CAPG: variants seen among roughly 807,000 people sequenced by gnomAD.
CAPG encodes capping actin protein, gelsolin like.
CAPG carries 32 observed loss-of-function variants against 44.6 expected under a neutral mutation model. The ratio of observed to expected loss-of-function variants is 0.72; its 90% CI spans 0.54 to 0.96. The LOEUF is 0.96. CAPG is among the 50% of genes least tolerant of loss of function. CAPG has a pLI of 0.00. For missense variants in CAPG, 412 were observed against 438.3 expected (o/e 0.94, Z 0.54); for synonymous variants, 175 against 179.6 (o/e 0.97, Z 0.20).
Position 85,398,912 on chromosome 2 carries a change from G to C in CAPG, c.667-130C>G. ...CACTAGGGCACCCAGCAGAGGTGAGGTGAGTGAGGGCTGAGTCCAGCCCAC... is the reference window on the plus strand; with the variant it reads ...CACTAGGGCACCCAGCAGAGGTGAGCTGAGTGAGGGCTGAGTCCAGCCCAC... On this transcript the variant is annotated intron_variant, in intron 6 of 9. Coordinates refer to ENST00000263867, the MANE Select transcript of CAPG (RefSeq NM_001747.4). 4 of 829,720 alleles carry C rather than the reference G, an allele frequency of 4.8e-6. No individual in the cohort carries two copies. The East Asian group carries it at 1.1e-4, about 22-fold the overall frequency. 51.4% of individuals were successfully genotyped at this position (829,720 alleles called of 1,614,324 possible). A position where few individuals can be genotyped will look rare whatever the true frequency, so the allele number is the denominator to read the frequency against.
chr2:85,401,383 G>C (rs1686878784), intron 4 of CAPG, 54 bp from the exon 5 acceptor site: 1 of 1,589,990 alleles, frequency 6.3e-7, no homozygotes, highest in Admixed American at 1.7e-5. Flanking sequence ...AGAGCCCTCT[G>C]CACCCCATCC....
Position 85,401,156 on chromosome 2 carries a change from C to T in CAPG, c.516+9G>A. On this transcript the variant is annotated intron_variant, in intron 5 of 9. Coordinates refer to ENST00000263867, the MANE Select transcript of CAPG (RefSeq NM_001747.4). ...AATACGGAGTGCTCAGTCTGGCCAG[C>T]CTACCCACCTGGCCCAGGTCCAGGA... The T allele has an allele frequency of 6.2e-7, 1 of 1,612,836 alleles. No homozygotes were observed. The highest frequency in any genetic ancestry group is 1.1e-5 in the South Asian group (1 of 91,006).
chr2:85,417,836 G>T (rs1180375927), intron 1 of CAPG, among the ~76,000 whole-genome samples: 1 of 152,034 alleles, frequency 6.6e-6, no homozygotes, highest in East Asian at 1.9e-4. Context: ...TTCCTCCAGT[G>T]CTTTGAGGTC....
upstream of CAPG, chr2:85,413,083 T>C (rs1687465776): frequency 6.6e-6 from 1 of 152,244 alleles, no homozygotes; most frequent in African/African-American, 2.4e-5. Flanking sequence ...CACTCTCCTA[T>C]TTCCATCCCC....
upstream of CAPG, among the ~76,000 whole-genome samples, chr2:85,414,601 T>C (rs2104863862): frequency 7.5e-6 from 1 of 132,598 alleles, no homozygotes; most frequent in East Asian, 2.0e-4. Context: ...AGCTAAACTT[T>C]TTTTTTTTTT....
intron 8 of CAPG, among the ~76,000 whole-genome samples, chr2:85,397,714 A>T (rs1010114934): frequency 2.0e-5 from 3 of 150,066 alleles, no homozygotes; most frequent in African/African-American, 4.9e-5. Context: ...AAAAGAAAGA[A>T]AGAAAGAAAG....
chr2:85,399,993 G>A (rs906662306), intron 5 of CAPG, among the ~76,000 whole-genome samples: 2 of 151,988 alleles, frequency 1.3e-5, no homozygotes, highest in African/African-American at 2.4e-5. Flanking sequence ...TGCCCACCTC[G>A]GCCTCCCAAA....
intron 1 of CAPG, among the ~76,000 whole-genome samples, chr2:85,417,440 T>C (rs910685438): frequency 6.6e-6 from 1 of 151,662 alleles, no homozygotes; most frequent in Non-Finnish European, 1.5e-5. Flanking sequence ...CTAGTGCCAG[T>C]TGTGAGTCCT....
chr2:85,418,953 A>T (rs1157167195), upstream of CAPG: 1 of 152,180 alleles, frequency 6.6e-6, no homozygotes, highest in Non-Finnish European at 1.5e-5. Context: ...GGAGATGAAG[A>T]TGGTGGGTGG....
At chr2:85,414,625 T>A (rs368511103), upstream of CAPG, among the ~76,000 whole-genome samples, 2 of 151,214 alleles carry the variant, frequency 1.3e-5, no homozygotes, top group South Asian at 2.1e-4. Context: ...AGAGACTGTG[T>A]CTCACTCTAT....
chr2:85,405,631 T>A (rs1169752332), intron 1 of CAPG, among the ~76,000 whole-genome samples: 1 of 152,170 alleles, frequency 6.6e-6, no homozygotes, highest in Non-Finnish European at 1.5e-5. Flanking sequence ...TCAAGGGCAG[T>A]GATAATGGAT....
chr2:85,411,745 G>A (rs532971226), upstream of CAPG, among the ~76,000 whole-genome samples: 3 of 152,278 alleles, frequency 2.0e-5, no homozygotes, highest in African/African-American at 4.8e-5. Flanking sequence ...ATTTGACTGC[G>A]TGGGAAAAGT....
Position 85,395,711 on chromosome 2 carries a change from TC to T in CAPG, c.893-86del. 1 of 954,250 alleles carries T rather than the reference TC, an allele frequency of 1.0e-6. No individual in the cohort carries two copies. Among genetic ancestry groups the T allele is most frequent in the Non-Finnish European group, 1.6e-6 (1 of 616,176 alleles). The allele number at this position is 954,250 out of a possible 1,614,324, so 59.1% of individuals were successfully genotyped here. ...TTTTTCTTGAGGAAATTTAAGGGAG[TC>T]CACAGAAGAGCCAGCAATTTTTACA... On this transcript the variant is annotated intron_variant, in intron 8 of 9. Coordinates refer to ENST00000263867, the MANE Select transcript of CAPG (RefSeq NM_001747.4). The surrounding 1 kb of genome is among the most constrained non-coding windows in gnomAD (Gnocchi z 4.3).
At chr2:85,396,852 T>C (rs1686624693) in intron 8 of CAPG, among the ~76,000 whole-genome samples, 2 of 152,202 alleles carry the variant, frequency 1.3e-5, no homozygotes, top group African/African-American at 2.4e-5. Flanking sequence ...AGCAGCTATC[T>C]GTAGATACCC....
rs1463367031 is a variant in CAPG, at chr2:85,398,140, T to C, written c.772A>G (p.Thr258Ala). 1 of 1,613,698 alleles carries C rather than the reference T, an allele frequency of 6.2e-7. No individual in the cohort carries two copies. Among genetic ancestry groups the C allele is most frequent in the Non-Finnish European group, 8.5e-7 (1 of 1,179,938 alleles). The change falls in exon 8 of 10, where the codon ACT becomes GCT. Residue 258 changes from threonine to alanine, a missense_variant. Physicochemically the swap from Thr to Ala is moderately conservative, Grantham distance 58. Coordinates refer to ENST00000263867, the MANE Select transcript of CAPG (RefSeq NM_001747.4). ...ACCTTGGTCAGGTTCATCTGTCCAG[T>C]GGCATCAGAGACCTGGGGAGGAGGG... is the stretch of plus-strand genomic sequence containing the variant. ...AAALYKVSDA[T>A]GQMNLTKVAD...
At chr2:85,402,088 G>T (rs759983616) in intron 2 of CAPG, 35 bp downstream of exon 2, 1 of 1,611,262 alleles carries the variant, frequency 6.2e-7, no homozygotes, top group Admixed American at 1.7e-5. Flanking sequence ...GTAAAGAAGG[G>T]GAAGTTGTGA....
chr2:85,409,301 T>G (rs1687313550), intron 1 of CAPG, among the ~76,000 whole-genome samples: 1 of 152,150 alleles, frequency 6.6e-6, no homozygotes, highest in South Asian at 2.1e-4. Context: ...GGTCCCAGAC[T>G]GCCATGGGGC....
chr2:85,399,357 C>T (rs923668107), intron 5 of CAPG, 72 bp from the exon 6 acceptor site: 2 of 1,481,778 alleles, frequency 1.3e-6, no homozygotes, highest in Admixed American at 1.8e-5. Context: ...GAGAAGGGCG[C>T]ACAGCTCTCC....
downstream of CAPG, among the ~76,000 whole-genome samples, chr2:85,392,506 A>G (rs1242985102): frequency 2.0e-5 from 3 of 151,942 alleles, no homozygotes; most frequent in Admixed American, 6.6e-5. Flanking sequence ...GTGGAATGCT[A>G]TGGAAGACCA....
Sources: allele counts gnomAD v4.1 joint callset (sites outside exome capture counted in the v4.1 genomes callset), GRCh38; gene constraint gnomAD v4.1.1; non-coding constraint Gnocchi (gnomAD v3.1); transcripts MANE v1.5; gene names NCBI Gene and HGNC (gene_info 2026-07-23, HGNC 2026-07-21).